EFTUD2: variants seen among roughly 807,000 people sequenced by gnomAD.
EFTUD2 encodes elongation factor Tu GTP binding domain containing 2.
EFTUD2 carries 9 observed loss-of-function variants against 114.3 expected under a neutral mutation model. That is an observed-to-expected ratio of 0.08 (90% CI 0.05 to 0.14). EFTUD2 has a LOEUF of 0.14. Among genes scored for constraint, EFTUD2 ranks in the 10% least tolerant of loss-of-function variants. EFTUD2 has a pLI of 1.00. For synonymous variants in EFTUD2, 449 were observed against 462.3 expected (o/e 0.97, Z 0.37); for missense variants, 765 against 1,241.2 (o/e 0.62, Z 5.76).
chr17:44,866,252 T>C (rs913613355), intron 13 of EFTUD2, among the ~76,000 whole-genome samples: 2 of 151,698 alleles, frequency 1.3e-5, no homozygotes, highest in Non-Finnish European at 2.9e-5. Flanking sequence ...CTTTGTTTTG[T>C]TTTTTTCTGA....
intron 14 of EFTUD2, 118 bp from the exon 15 acceptor site, chr17:44,863,900 T>G: frequency 1.5e-6 from 2 of 1,375,010 alleles, no homozygotes; most frequent in Non-Finnish European, 2.0e-6. Context: ...TTGTTAGCTC[T>G]AAAAGCTCTG....
At position 44,890,421 on chromosome 17, in the gene EFTUD2, G is replaced by A. The variant is rs546508278; in HGVS notation, c.106-3671C>T. On this transcript the variant is annotated intron_variant, in intron 2 of 27. Transcript: ENST00000426333. ...TAAAAAAAAAAATCTGTCCAGGTGC[G>A]GTGGCTCACACCTGTAATCCCAGCA... is the stretch of plus-strand genomic sequence containing the variant. Among the ~76,000 whole-genome samples the A allele has an allele frequency of 8.6e-5, 13 of 151,674 alleles. No homozygotes were observed. In the East Asian group the frequency reaches 1.8e-3, roughly 21 times the overall value.
intron 16 of EFTUD2, among the ~76,000 whole-genome samples, chr17:44,861,011 T>G (rs1456692916): frequency 6.6e-6 from 1 of 152,172 alleles, no homozygotes; most frequent in African/African-American, 2.4e-5. Flanking sequence ...CACACATGTA[T>G]GTGGTTACAA....
At chr17:44,887,168 T>A (rs1218615715) in intron 2 of EFTUD2, among the ~76,000 whole-genome samples, 1 of 152,192 alleles carries the variant, frequency 6.6e-6, no homozygotes, top group Non-Finnish European at 1.5e-5. Context: ...TTGTGATAGA[T>A]AATAACAGGT....
At chr17:44,853,868 T>G in intron 23 of EFTUD2, 3 of 1,394,974 alleles carry the variant, frequency 2.2e-6, no homozygotes, top group Non-Finnish European at 2.8e-6. Context: ...ACTTAGAGCT[T>G]TCCTAGAAGT....
Position 44,894,422 on chromosome 17 carries a change from C to T in EFTUD2, c.100G>A (p.Asp34Asn), listed in dbSNP as rs749173095. The T allele has an allele frequency of 1.2e-6, 2 of 1,609,284 alleles. No individual in the cohort carries two copies. Among genetic ancestry groups the T allele is most frequent in the South Asian group, 1.1e-5 (1 of 90,978 alleles). The change falls in exon 2 of 28, where the codon GAT becomes AAT. Residue 34 changes from aspartate to asparagine, a missense_variant. By Grantham distance (23) the Asp-to-Asn change is conservative. Transcript: ENST00000426333. ...DELGRETKDL[D>N]EMDDDDDDDD... ...GAGCAATATATTTGTTTTACCTCAT[C>T]AAGATCTTTGGTCTCTCTACCCAAT...
At chr17:44,855,182 C>T (rs958626670) in intron 20 of EFTUD2, among the ~76,000 whole-genome samples, 178 bp from the exon 21 acceptor site, 1 of 152,164 alleles carries the variant, frequency 6.6e-6, no homozygotes, top group African/African-American at 2.4e-5. Flanking sequence ...GCAGGAGGAT[C>T]ACTGAAACCC....
At chr17:44,879,063 A>T (rs1165833406) in intron 9 of EFTUD2, among the ~76,000 whole-genome samples, 1 of 152,200 alleles carries the variant, frequency 6.6e-6, no homozygotes, top group Non-Finnish European at 1.5e-5. Context: ...CTGAGCAGGA[A>T]GCAAGGGCAC....
chr17:44,898,451 C>A (rs1412744449), intron 1 of EFTUD2, among the ~76,000 whole-genome samples: 1 of 152,180 alleles, frequency 6.6e-6, no homozygotes, highest in Non-Finnish European at 1.5e-5. Flanking sequence ...AACTCCTGAC[C>A]TCAGGTGATC....
chr17:44,853,083 T>C lies in EFTUD2; in HGVS notation c.2561+213A>G, dbSNP rs118150946. The stretch of plus-strand genomic sequence containing the variant: ...TTTTAGTAGAGACGGGGTTTCACTG[T>C]GTTAGCCAGGATGGAGAAATGTCAA... On this transcript the variant is annotated intron_variant, in intron 25 of 27. Transcript: ENST00000426333. Among the ~76,000 whole-genome samples the C allele has an allele frequency of 0.02, 3,112 of 152,204 alleles. 77 individuals are homozygous for C. The highest frequency in any genetic ancestry group is 0.026 in the Non-Finnish European group (1,751 of 67,996).
At position 44,859,179 on chromosome 17, in the gene EFTUD2, C is replaced by T. The variant is rs767886485; in HGVS notation, c.1863G>A (p.Val621=). 6.2e-7 allele frequency: 1 copy of T among 1,610,010 alleles called. No homozygotes were observed. The highest frequency in any genetic ancestry group is 8.5e-7 in the Non-Finnish European group (1 of 1,176,208). ...NKSYPSLTTK[V]EESGEHVILG... is the part of the protein sequence containing the mutation. ...GGATCACATGCTCGCCAGACTCCTCCACCTGAAACACAACAGGCAGTCACA... is the reference window on the plus strand; with the variant it reads ...GGATCACATGCTCGCCAGACTCCTCTACCTGAAACACAACAGGCAGTCACA... The change falls in exon 19 of 28, where the codon GTG becomes GTA. Residue 621 remains valine (V), a splice_region_variant and synonymous_variant. Coordinates refer to ENST00000426333, the MANE Select transcript of EFTUD2 (RefSeq NM_004247.4).
In EFTUD2 at chr17:44,860,125, G is replaced by A. The variant is rs2050629901; in HGVS notation, c.1720-80C>T. ...GTGCAGAGGTATGAGAAGAGAAGAG[G>A]ACTTGCTTAGGATCAGACTATGTAT... On this transcript the variant is annotated intron_variant, in intron 17 of 27. Coordinates refer to ENST00000426333, the MANE Select transcript of EFTUD2 (RefSeq NM_004247.4). 11 of 1,593,590 alleles carry A rather than the reference G, an allele frequency of 6.9e-6. No homozygotes were observed. In the South Asian group the frequency reaches 1.0e-4, roughly 15 times the overall value.
At chr17:44,852,031 C>T (rs1270342599) in intron 26 of EFTUD2, among the ~76,000 whole-genome samples, 4 of 152,084 alleles carry the variant, frequency 2.6e-5, no homozygotes. Context: ...GATTCTCCTA[C>T]CTCAGCCTCC....
At chr17:44,860,113 A>T in intron 17 of EFTUD2, 68 bp from the exon 18 acceptor site, 7 of 1,606,606 alleles carry the variant, frequency 4.4e-6, no homozygotes, top group Non-Finnish European at 6.0e-6. Flanking sequence ...CAGAGGTATG[A>T]GAAGAGAAGA....
Position 44,850,434 on chromosome 17 carries a change from C to T in EFTUD2, c.*840G>A. 1 of 1,464,468 alleles carries T rather than the reference C, an allele frequency of 6.8e-7. No individual in the cohort carries two copies. Among genetic ancestry groups the T allele is most frequent in the Non-Finnish European group, 9.5e-7 (1 of 1,048,116 alleles). The allele number at this position is 1,464,468 out of a possible 1,614,324, so 90.7% of individuals were successfully genotyped here. Reference sequence around the variant, plus strand: ...AGCCGGGGCTGTCCAACTCCCCTAACTCAATCCCTGGTACATTCCTAATAA... The same window carrying T: ...AGCCGGGGCTGTCCAACTCCCCTAATTCAATCCCTGGTACATTCCTAATAA... On this transcript the variant is annotated 3_prime_UTR_variant, in exon 28 of 28. Transcript: ENST00000426333.
At chr17:44,875,849 A>G (rs1300469641) in intron 10 of EFTUD2, 85 bp downstream of exon 10, 2 of 1,522,170 alleles carry the variant, frequency 1.3e-6, no homozygotes, top group African/African-American at 2.8e-5. Flanking sequence ...ACGCTTAGAA[A>G]TAAATCACAG....
intron 8 of EFTUD2, 25 bp from the exon 9 acceptor site, chr17:44,879,663 C>A: frequency 6.2e-7 from 1 of 1,608,318 alleles, no homozygotes; most frequent in South Asian, 1.1e-5. Context: ...CTAAGTAAGT[C>A]ATCACTTGGT....
chr17:44,864,583 C>G (rs1056540338), intron 14 of EFTUD2, among the ~76,000 whole-genome samples: 4 of 152,170 alleles, frequency 2.6e-5, no homozygotes, highest in African/African-American at 9.7e-5. Flanking sequence ...CTCCCAAGTC[C>G]TAGCCTAGTG....
intron 3 of EFTUD2, 77 bp from the exon 4 acceptor site, chr17:44,885,411 G>A (rs1029019201): frequency 3.9e-5 from 37 of 950,226 alleles, no homozygotes; most frequent in Non-Finnish European, 1.7e-5. Context: ...CCATTAGACT[G>A]ACCTTTCAGA....
Sources: gnomAD v4.1 joint callset for allele counts (sites outside exome capture counted in the v4.1 genomes callset) on GRCh38, gnomAD v4.1.1 for gene constraint, MANE v1.5 for transcripts, NCBI Gene and HGNC (gene_info 2026-07-23, HGNC 2026-07-21) for gene names.